USP42: variants seen among roughly 807,000 people sequenced by gnomAD.
USP42 encodes the protein ubiquitin specific peptidase 42.
USP42 carries 23 observed loss-of-function variants against 113.0 expected under a neutral mutation model. The ratio of observed to expected loss-of-function variants is 0.20; its 90% CI spans 0.15 to 0.29. The LOEUF is 0.29. Among genes scored for constraint, USP42 ranks in the 10% least tolerant of loss-of-function variants. The pLI, the probability that USP42 is intolerant of heterozygous loss-of-function variation, is 1.00. For synonymous variants in USP42, 933 were observed against 699.0 expected (o/e 1.33, Z -5.28); for missense variants, 2,174 against 1,779.8 (o/e 1.22, Z -3.99).
intron 3 of USP42, among the ~76,000 whole-genome samples, chr7:6,119,184 C>T (rs1049459733): frequency 1.3e-5 from 2 of 152,116 alleles, no homozygotes; most frequent in African/African-American, 4.8e-5. Flanking sequence ...CACTGTATTA[C>T]AGCCTGAGTG....
At chr7:6,086,269 G>A in the USP42 span, among the ~76,000 whole-genome samples, 5 of 144,406 alleles carry the variant, frequency 3.5e-5, no homozygotes, top group East Asian at 4.1e-4. Context: ...GTAGTGGCGC[G>A]ATCTCAGTTC....
intron 3 of USP42, among the ~76,000 whole-genome samples, chr7:6,121,430 G>A (rs9886265): frequency 0.39 from 59,119 of 151,780 alleles, 14,347 homozygotes; most frequent in East Asian, 0.76. Context: ...TTTTGTCTTC[G>A]TAAGTATTAT....
upstream of USP42, among the ~76,000 whole-genome samples, chr7:6,101,367 A>G (rs67579350): frequency 0.56 from 85,017 of 150,696 alleles, 27,365 homozygotes; most frequent in East Asian, 0.89. Flanking sequence ...TTCGGACTTG[A>G]GGGTGGGGCA....
chr7:6,152,627 C>T (rs775241147), intron 14 of USP42, among the ~76,000 whole-genome samples: 5 of 152,306 alleles, frequency 3.3e-5, no homozygotes, highest in East Asian at 1.9e-4. Flanking sequence ...CTTGGACACT[C>T]GCTCCCTCGG....
chr7:6,135,651 C>CAAAAAAAAAAA (rs1173165919), intron 3 of USP42, among the ~76,000 whole-genome samples, 190 bp from the exon 4 acceptor site: 7 of 16,150 alleles, frequency 4.3e-4, no homozygotes, highest in East Asian at 1.1e-3. Context: ...GACTCCATCT[C>CAAAAAAAAAAA]AAAAAAAAAA....
intron 7 of USP42, among the ~76,000 whole-genome samples, chr7:6,141,793 A>G (rs537243331): frequency 2.6e-5 from 4 of 152,348 alleles, no homozygotes; most frequent in Admixed American, 1.3e-4. Flanking sequence ...GATGTAATAC[A>G]TGCTTATGAT....
chr7:6,119,954 A>C (rs571854293), intron 3 of USP42, among the ~76,000 whole-genome samples: 13 of 151,918 alleles, frequency 8.6e-5, no homozygotes, highest in Non-Finnish European at 1.3e-4. Context: ...CTCTTGCCTC[A>C]GCCTTTTTTT....
rs1479508188 is a variant in USP42, at chr7:6,111,489, C to T, written c.241+115C>T. The T allele has an allele frequency of 1.4e-5, 18 of 1,286,308 alleles. No homozygotes were observed. In the East Asian group the frequency reaches 4.3e-4, roughly 30 times the overall value. 79.7% of individuals were successfully genotyped at this position (1,286,308 alleles called of 1,614,324 possible). A position where few individuals can be genotyped will look rare whatever the true frequency, so the allele number is the denominator to read the frequency against. On this transcript the variant is annotated intron_variant, in intron 2 of 17. Transcript: ENST00000306177. ...CAAGGCGTGAGGCCACCTGAGTGGC[C>T]AGCAGAGTTGTATTACTTGATGGGC...
chr7:6,095,281 G>A, the USP42 span, among the ~76,000 whole-genome samples: 2 of 151,292 alleles, frequency 1.3e-5, no homozygotes, highest in Admixed American at 1.3e-4. Flanking sequence ...CCCTGAGGGT[G>A]CTTTAGAGCT....
At chr7:6,118,536 ACAAG>A (rs1780036510) in intron 3 of USP42, among the ~76,000 whole-genome samples, 2 of 151,712 alleles carry the variant, frequency 1.3e-5, no homozygotes, top group African/African-American at 4.8e-5. Flanking sequence ...AAAAGAAAAG[ACAAG>A]AAAAAAAAAA....
At position 6,157,021 on chromosome 7, in the gene USP42, G is replaced by T. The variant is rs1439210803; in HGVS notation, c.3909G>T (p.Arg1303Ser). 1 of 1,612,146 alleles carries T rather than the reference G, an allele frequency of 6.2e-7. No individual in the cohort carries two copies. Among genetic ancestry groups the T allele is most frequent in the South Asian group, 1.1e-5 (1 of 90,664 alleles). Residue 1303 changes from arginine (R) to serine (S), a missense_variant, in exon 16 of 18, where the codon AGG (arginine) becomes AGT (serine). By Grantham distance (110) the Arg-to-Ser change is moderately radical (BLOSUM62 -1). Coordinates refer to ENST00000306177, the MANE Select transcript of USP42 (RefSeq NM_032172.3). The surrounding 1 kb of genome is among the most constrained non-coding windows in gnomAD (Gnocchi z 4.1). ...CGAAACACTTACGGATGGAAAGCAG[G>T]GATGACAGGTGTCGTCTCTTTGAGT... ...EKTKHLRMES[R>S]DDRCRLFEYG...
rs532716253 is a variant in USP42 at position 6,142,864 on chromosome 7, G to T, written c.796-68G>T. The stretch of plus-strand genomic sequence containing the variant: ...GTGCCACTGCACTCCAGCCTGGGTG[G>T]CAGGGCAAGACCCAAACACAAGTGA... On this transcript the variant is annotated intron_variant, in intron 7 of 17. Coordinates refer to ENST00000306177, the MANE Select transcript of USP42 (RefSeq NM_032172.3). The T allele has an allele frequency of 4.5e-5, 68 of 1,507,422 alleles. No homozygotes were observed. The African/African-American group carries it at 7.8e-4, about 17-fold the overall frequency. 93.4% of individuals were successfully genotyped at this position (1,507,422 alleles called of 1,614,324 possible).
rs754000991 is a variant in USP42 at position 6,154,290 on chromosome 7, G to C, written c.2736G>C (p.Pro912=). The change falls in exon 15 of 18, where the codon CCG becomes CCC. Residue 912 remains proline, a synonymous_variant. Coordinates refer to ENST00000306177, the MANE Select transcript of USP42 (RefSeq NM_032172.3). Reference sequence around the variant, plus strand: ...TGGACATGGCCCCGGCCGGTCACCCGGAAGGGGACGCTGAGCCTAGCCCCG... The same window carrying C: ...TGGACATGGCCCCGGCCGGTCACCCCGAAGGGGACGCTGAGCCTAGCCCCG... ...PVLDMAPAGH[P]EGDAEPSPGE... 1 of 1,588,914 alleles carries C rather than the reference G, an allele frequency of 6.3e-7. No individual in the cohort carries two copies. Among genetic ancestry groups the C allele is most frequent in the South Asian group, 1.1e-5 (1 of 88,408 alleles).
At chr7:6,149,455 G>T (rs1017416483) in intron 12 of USP42, 128 bp from the exon 13 acceptor site, 1 of 1,129,854 alleles carries the variant, frequency 8.9e-7, no homozygotes, top group East Asian at 2.6e-5. Context: ...ACATTTCCAG[G>T]TGTATGAAAC....
At chr7:6,123,531 G>A (rs951978529) in intron 3 of USP42, among the ~76,000 whole-genome samples, 2 of 151,642 alleles carry the variant, frequency 1.3e-5, no homozygotes, top group East Asian at 1.9e-4. Flanking sequence ...GCGAGGTGGC[G>A]GGCGCCTGTA....
intron 9 of USP42, among the ~76,000 whole-genome samples, chr7:6,144,689 G>A (rs1442280500): frequency 2.6e-5 from 4 of 152,090 alleles, no homozygotes; most frequent in African/African-American, 9.7e-5. Flanking sequence ...GGCGAACGTG[G>A]CAAAGCCCTG....
the USP42 span, among the ~76,000 whole-genome samples, chr7:6,097,083 T>C: frequency 6.6e-6 from 1 of 150,880 alleles, no homozygotes; most frequent in Admixed American, 6.6e-5. Flanking sequence ...ATTTTGTATG[T>C]TTAGTAGAGA....
chr7:6,111,299 C>G lies in USP42; in HGVS notation c.166C>G (p.Pro56Ala). Residue 56 changes from proline to alanine, a missense_variant, in exon 2 of 18, where the codon CCA becomes GCA. Transcript: ENST00000306177. ...DVSNHTLSLG[P>A]VPGAVVYSSS... is the part of the protein sequence containing the mutation. ...GTCAAATCACACACTTTCTTTAGGA[C>G]CAGTACCTGGTGCTGTAGTTTATTC... is the stretch of plus-strand genomic sequence containing the variant. 2 of 1,607,980 alleles carry G rather than the reference C, an allele frequency of 1.2e-6. No homozygotes were observed. The highest frequency in any genetic ancestry group is 1.7e-6 in the Non-Finnish European group (2 of 1,176,860).
At chr7:6,099,455 C>G in the USP42 span, among the ~76,000 whole-genome samples, 4 of 150,168 alleles carry the variant, frequency 2.7e-5, 1 homozygote, top group South Asian at 8.4e-4. Context: ...ACCTCATGAT[C>G]TGCCCGCCTC....
Sources: allele counts gnomAD v4.1 joint callset (sites outside exome capture counted in the v4.1 genomes callset), GRCh38; gene constraint gnomAD v4.1.1; non-coding constraint Gnocchi (gnomAD v3.1); transcripts MANE v1.5; gene names NCBI Gene and HGNC (gene_info 2026-07-23, HGNC 2026-07-21).